Variants in ROBO1 observed in about 807,000 individuals in gnomAD.
The protein encoded by ROBO1 is roundabout homolog 1.
A neutral mutation model predicts 195.9 loss-of-function variants in ROBO1; 149 were observed. The observed-to-expected ratio is 0.76, with a 90% CI of 0.67 to 0.87. The LOEUF is 0.87. ROBO1 is among the 40% of genes least tolerant of loss of function. The pLI, the probability that ROBO1 is intolerant of heterozygous loss-of-function variation, is 0.00. For missense variants in ROBO1, 1,933 were observed against 2,068.3 expected, an observed-to-expected ratio of 0.93 and a Z score of 1.27; for synonymous variants, 816 against 733.2, an observed-to-expected ratio of 1.11 and a Z score of -1.82.
At chr3:79,544,265 T>C (rs1341641778) in intron 2 of ROBO1, among the ~76,000 whole-genome samples, 1 of 151,966 alleles carries the variant, frequency 6.6e-6, no homozygotes, top group African/African-American at 2.4e-5. Context: ...ATATATTTTC[T>C]AGGATAAATA....
intron 2 of ROBO1, among the ~76,000 whole-genome samples, chr3:79,546,117 T>C (rs1942254730): frequency 3.9e-5 from 6 of 152,110 alleles, no homozygotes. Context: ...TTAATAGTAA[T>C]GTATGTATAA....
intron 2 of ROBO1, among the ~76,000 whole-genome samples, chr3:79,145,258 G>A (rs982751908): frequency 1.3e-5 from 2 of 151,270 alleles, no homozygotes; most frequent in Non-Finnish European, 3.0e-5. Flanking sequence ...AGAGTAATAG[G>A]TAGTCTTCAA....
chr3:79,615,108 T>C (rs569349716), intron 1 of ROBO1, among the ~76,000 whole-genome samples: 1 of 152,198 alleles, frequency 6.6e-6, no homozygotes, highest in African/African-American at 2.4e-5. Context: ...TCCTCCTCCC[T>C]TTGCAATTTA....
intron 3 of ROBO1, among the ~76,000 whole-genome samples, chr3:79,124,561 C>A (rs2080179824): frequency 6.6e-6 from 1 of 151,986 alleles, no homozygotes; most frequent in South Asian, 2.1e-4. Context: ...CATCTCTAAC[C>A]CTAACTACCC....
chr3:78,931,248 T>C (rs1310222494), intron 4 of ROBO1, among the ~76,000 whole-genome samples: 1 of 142,864 alleles, frequency 7.0e-6, no homozygotes, highest in African/African-American at 2.6e-5. Flanking sequence ...TTTTTTTTTT[T>C]TTTTTTTTTT....
At chr3:79,698,326 C>G (rs1947506071) in intron 1 of ROBO1, among the ~76,000 whole-genome samples, 2 of 151,352 alleles carry the variant, frequency 1.3e-5, no homozygotes, top group African/African-American at 2.4e-5. Flanking sequence ...ATATATTTTT[C>G]TCATGTGCTC....
intron 2 of ROBO1, among the ~76,000 whole-genome samples, chr3:79,129,975 A>AAGATC (rs2080297276): frequency 8.5e-6 from 1 of 117,396 alleles, no homozygotes; most frequent in African/African-American, 3.3e-5. Flanking sequence ...AGGTTTGTCA[A>AAGATC]AGATCAGATA....
chr3:79,637,411 C>T (rs1945526984), intron 1 of ROBO1, among the ~76,000 whole-genome samples: 1 of 150,078 alleles, frequency 6.7e-6, no homozygotes. Flanking sequence ...TAAAATGTGA[C>T]CCTCCTTCCC....
At chr3:79,351,404 C>T (rs1446885180) in intron 2 of ROBO1, among the ~76,000 whole-genome samples, 3 of 152,162 alleles carry the variant, frequency 2.0e-5, no homozygotes, top group Non-Finnish European at 4.4e-5. Context: ...TCAGATTTAA[C>T]TTGCCTATAT....
chr3:78,732,369 TCCAACCTAATGG>T (rs1177116686), intron 5 of ROBO1, among the ~76,000 whole-genome samples: 1 of 152,062 alleles, frequency 6.6e-6, no homozygotes, highest in Non-Finnish European at 1.5e-5. Context: ...AATCTGGACA[TCCAACCTAATGG>T]CCATTAGTCC....
intron 2 of ROBO1, among the ~76,000 whole-genome samples, chr3:79,133,945 G>A (rs911240398): frequency 2.0e-5 from 3 of 152,026 alleles, no homozygotes; most frequent in African/African-American, 7.2e-5. Context: ...ACCCTGCCGT[G>A]TGAGGTGTCA....
intron 2 of ROBO1, among the ~76,000 whole-genome samples, chr3:79,255,269 T>C (rs1375304588): frequency 6.6e-6 from 1 of 152,156 alleles, no homozygotes; most frequent in Non-Finnish European, 1.5e-5. Context: ...GGCTGGAGGA[T>C]GGCTTGAGCC....
intron 1 of ROBO1, among the ~76,000 whole-genome samples, chr3:79,635,373 C>T (rs181275261): frequency 2.0e-5 from 3 of 152,276 alleles, no homozygotes; most frequent in Admixed American, 1.3e-4. Flanking sequence ...TGTTCCTACC[C>T]TCAATAGCCA....
At chr3:79,154,524 AC>A (rs1253513884) in intron 2 of ROBO1, among the ~76,000 whole-genome samples, 1 of 151,774 alleles carries the variant, frequency 6.6e-6, no homozygotes, top group African/African-American at 2.4e-5. Flanking sequence ...ATGGCATGAA[AC>A]AACTCACATT....
intron 3 of ROBO1, among the ~76,000 whole-genome samples, chr3:78,942,986 G>A (rs370134128): frequency 3.6e-4 from 54 of 152,080 alleles, no homozygotes; most frequent in Middle Eastern, 3.4e-3. Flanking sequence ...AGGCCAAGGC[G>A]GGCAGATCAC....
At chr3:79,324,305 T>G (rs2034114016) in intron 2 of ROBO1, among the ~76,000 whole-genome samples, 1 of 152,216 alleles carries the variant, frequency 6.6e-6, no homozygotes, top group African/African-American at 2.4e-5. Context: ...TACGAGGCAC[T>G]GAATAGCCAA....
chr3:79,027,038 A>G (rs1055147348), intron 3 of ROBO1, among the ~76,000 whole-genome samples: 5 of 152,024 alleles, frequency 3.3e-5, no homozygotes, highest in African/African-American at 9.7e-5. Flanking sequence ...TATTTTACCT[A>G]GGTTTTAAGT....
chr3:78,986,437 T>G (rs184953448), intron 3 of ROBO1, among the ~76,000 whole-genome samples: 1 of 151,772 alleles, frequency 6.6e-6, no homozygotes, highest in Non-Finnish European at 1.5e-5. Flanking sequence ...CAGTCAACCA[T>G]ACTGGCCAAA....
At chr3:79,507,094 A>T (rs753916562) in intron 2 of ROBO1, among the ~76,000 whole-genome samples, 1 of 152,204 alleles carries the variant, frequency 6.6e-6, no homozygotes, top group Non-Finnish European at 1.5e-5. Flanking sequence ...AAGGGGATCA[A>T]ACCTGATGAT....
Sources: allele counts gnomAD v4.1 joint callset (sites outside exome capture counted in the v4.1 genomes callset), GRCh38; gene constraint gnomAD v4.1.1; transcripts MANE v1.5; gene names NCBI Gene and HGNC (gene_info 2026-07-23, HGNC 2026-07-21).